PAX8: variants seen among roughly 807,000 people sequenced by gnomAD.
The protein encoded by PAX8 is paired box 8.
PAX8 carries 15 observed loss-of-function variants against 52.4 expected under a neutral mutation model. The observed-to-expected ratio is 0.29, with a 90% CI of 0.19 to 0.44. PAX8 has a LOEUF of 0.44. PAX8 is among the 20% of genes least tolerant of loss of function. The probability of loss-of-function intolerance (pLI) is 1.00; values close to 1 mark genes in which losing one functional copy is unlikely to be tolerated. For synonymous variants in PAX8, 284 were observed against 249.7 expected, an observed-to-expected ratio of 1.14 and a Z score of -1.29; for missense variants, 554 against 602.5, an observed-to-expected ratio of 0.92 and a Z score of 0.84.
intron 9 of PAX8, among the ~76,000 whole-genome samples, chr2:113,234,814 G>A (rs79576586): frequency 0.012 from 1,840 of 152,256 alleles, 18 homozygotes; most frequent in Middle Eastern, 0.017. Flanking sequence ...CACCTCGCCC[G>A]GTCGGTGCTT....
chr2:113,218,575 C>T lies in PAX8; in HGVS notation c.1311G>A (p.Pro437=), dbSNP rs769689038. Residue 437 remains proline, a synonymous_variant, in exon 12 of 12, where the codon CCG becomes CCA. Transcript: ENST00000429538. The part of the protein sequence containing the change: ...SPYYYSSTSR[P]SAPPTTATAF... ...CCGTGGCAGTGGTGGGCGGTGCACTCGGCCTTGATGTGGAACTGTAATAAT... is the reference window on the plus strand; with the variant it reads ...CCGTGGCAGTGGTGGGCGGTGCACTTGGCCTTGATGTGGAACTGTAATAAT... 14 of 1,559,826 alleles carry T rather than the reference C, an allele frequency of 9.0e-6. No homozygotes were observed. Among genetic ancestry groups the T allele is most frequent in the Middle Eastern group, 1.7e-4 (1 of 6,014 alleles).
At chr2:113,227,817 TG>T (rs1689675766) in intron 9 of PAX8, among the ~76,000 whole-genome samples, 2 of 152,244 alleles carry the variant, frequency 1.3e-5, no homozygotes, top group East Asian at 3.9e-4. Context: ...CATTTCCCCC[TG>T]AGTAGAGGGG....
chr2:113,275,537 C>T (rs1693740256), intron 2 of PAX8: 1 of 152,192 alleles, frequency 6.6e-6, no homozygotes, highest in Non-Finnish European at 1.5e-5. Flanking sequence ...TCGTCCTCTG[C>T]CTTGTCTTAT....
intron 9 of PAX8, among the ~76,000 whole-genome samples, chr2:113,234,127 T>C (rs1184704137): frequency 1.3e-5 from 2 of 152,274 alleles, no homozygotes; most frequent in Non-Finnish European, 2.9e-5. Flanking sequence ...GAGAGCTAGC[T>C]GGCTTCCTTC....
rs1337759312 is a variant in PAX8 at position 113,216,067 on chromosome 2, G to C, written c.*2466C>G. 1 of 224,626 alleles carries C rather than the reference G, an allele frequency of 4.5e-6. No individual in the cohort carries two copies. The highest frequency in any genetic ancestry group is 8.9e-6 in the Non-Finnish European group (1 of 112,734). 13.9% of individuals were successfully genotyped at this position (224,626 alleles called of 1,614,324 possible). ...TTGGAAAGGGTCTGCCGGGGGTACA[G>C]AGTGTCCCCAGAGGGGCTGTGGCTG... On this transcript the variant is annotated 3_prime_UTR_variant, in exon 12 of 12. Coordinates refer to ENST00000429538, the MANE Select transcript of PAX8 (RefSeq NM_003466.4).
intron 1 of PAX8, 52 bp from the exon 2 acceptor site, chr2:113,278,521 A>C (rs558475855): frequency 2.2e-6 from 3 of 1,394,930 alleles, no homozygotes; most frequent in African/African-American, 1.4e-5. Flanking sequence ...CGATGCCTGC[A>C]TCCTCAGGCC....
At chr2:113,225,801 G>A in intron 10 of PAX8, 1 of 450,562 alleles carries the variant, frequency 2.2e-6, no homozygotes, top group Non-Finnish European at 2.9e-6. Flanking sequence ...GCAGGGGAAG[G>A]TGGAGGGGTT....
intron 10 of PAX8, among the ~76,000 whole-genome samples, chr2:113,221,248 G>A (rs13428274): frequency 0.018 from 2,802 of 152,252 alleles, 107 homozygotes; most frequent in African/African-American, 0.064. Context: ...TCACTTATGC[G>A]ATAATTCCAT....
chr2:113,259,974 A>T (rs1692548533), intron 2 of PAX8, among the ~76,000 whole-genome samples: 1 of 152,224 alleles, frequency 6.6e-6, no homozygotes, highest in Admixed American at 6.5e-5. Context: ...TAGCGACTGT[A>T]CAAGTTACTG....
rs532372672 is a variant in PAX8 at position 113,217,076 on chromosome 2, C to T, written c.*1457G>A. ...ACCCACCCTGCTGATTCTCTGGCTT[C>T]CTGTTAATAACAACAGCAACTCCTT... On this transcript the variant is annotated 3_prime_UTR_variant, in exon 12 of 12. Coordinates refer to ENST00000429538, the MANE Select transcript of PAX8 (RefSeq NM_003466.4). 496 of 230,724 alleles carry T rather than the reference C, an allele frequency of 2.1e-3. 1 individual carries two copies. The highest frequency in any genetic ancestry group is 3.5e-3 in the Non-Finnish European group (408 of 116,420). 14.3% of individuals were successfully genotyped at this position (230,724 alleles called of 1,614,324 possible).
In PAX8 at chr2:113,235,519, G is replaced by T. The variant is rs750730160; in HGVS notation, c.962C>A (p.Pro321His). The change falls in exon 9 of 12, where the codon CCT becomes CAT. Residue 321 changes from proline to histidine, a missense_variant. By Grantham distance (77) the Pro-to-His change is moderately conservative (BLOSUM62 -2). This residue lies in a region of PAX8 where 445 missense variants were observed against 409.9 expected (regional missense o/e 1.09). Coordinates refer to ENST00000429538, the MANE Select transcript of PAX8 (RefSeq NM_003466.4). ...AAAGGCGGAGCTAGATAAAGAGGAA[G>T]GGGTGGAGCTAGAACTGGACACCTC... ...TPEVSSSSSTPSSLSSSAFLD... is the reference protein window; with the variant it reads ...TPEVSSSSSTHSSLSSSAFLD... The T allele has an allele frequency of 4.5e-5, 72 of 1,613,826 alleles. No individual in the cohort carries two copies. The highest frequency in any genetic ancestry group is 4.9e-5 in the Non-Finnish European group (58 of 1,179,852).
intron 10 of PAX8, chr2:113,226,648 TTCA>T: frequency 8.2e-6 from 9 of 1,095,770 alleles, no homozygotes; most frequent in South Asian, 8.0e-5. Context: ...AAGCATATAT[TTCA>T]TCATCATCAT....
chr2:113,245,563 A>G (rs1691246535), intron 3 of PAX8, among the ~76,000 whole-genome samples: 1 of 152,116 alleles, frequency 6.6e-6, no homozygotes, highest in African/African-American at 2.4e-5. Context: ...ATCCCCAGCC[A>G]GGTCCAACTT....
chr2:113,250,962 G>A lies in PAX8; in HGVS notation c.26-4043C>T, dbSNP rs147863186. Reference sequence around the variant, plus strand: ...GGAAGCTGCAAGGAAGAGTATCTAGGAGGTAACTAGGTGAAGAATTTTCTT... The same window carrying A: ...GGAAGCTGCAAGGAAGAGTATCTAGAAGGTAACTAGGTGAAGAATTTTCTT... On this transcript the variant is annotated intron_variant, in intron 2 of 11. Transcript: ENST00000429538. The A allele has an allele frequency of 2.0e-5, 3 of 152,180 alleles. No individual in the cohort carries two copies. The East Asian group carries it at 5.8e-4, about 29-fold the overall frequency. 9.4% of individuals were successfully genotyped at this position (152,180 alleles called of 1,614,324 possible).
rs1231566629 is a variant in PAX8 at position 113,255,979 on chromosome 2, C to T, written c.26-9060G>A. On this transcript the variant is annotated intron_variant, in intron 2 of 11. Coordinates refer to ENST00000429538, the MANE Select transcript of PAX8 (RefSeq NM_003466.4). Reference sequence around the variant, plus strand: ...AGGCAGTGCTGCATGCATATGCCTGCCAGGGCTCAATCAGTAAAAAAAAAA... The same window carrying T: ...AGGCAGTGCTGCATGCATATGCCTGTCAGGGCTCAATCAGTAAAAAAAAAA... 3.4e-5 allele frequency among the ~76,000 whole-genome samples: 5 copies of T among 148,128 alleles called. No individual in the cohort carries two copies. In the East Asian group the frequency reaches 9.7e-4, roughly 29 times the overall value.
intron 2 of PAX8, among the ~76,000 whole-genome samples, chr2:113,250,289 A>T (rs1360542622): frequency 6.7e-6 from 1 of 150,358 alleles, no homozygotes; most frequent in East Asian, 1.9e-4. Flanking sequence ...AAAAAAGAAG[A>T]TAGGGGGACC....
chr2:113,240,025 A>C (rs1690685176), intron 7 of PAX8: 1 of 152,226 alleles, frequency 6.6e-6, no homozygotes, highest in African/African-American at 2.4e-5. Flanking sequence ...TGGGGGGCTT[A>C]GGGATGGAGC....
chr2:113,275,354 C>T (rs933097563), intron 2 of PAX8: 3 of 152,208 alleles, frequency 2.0e-5, no homozygotes, highest in Admixed American at 1.3e-4. Flanking sequence ...ACCCCAATAC[C>T]TCTTTATGTT....
At chr2:113,223,408 C>A (rs1689371708) in intron 10 of PAX8, among the ~76,000 whole-genome samples, 1 of 152,188 alleles carries the variant, frequency 6.6e-6, no homozygotes, top group Non-Finnish European at 1.5e-5. Flanking sequence ...TCATCTCTTG[C>A]AAGAACTACT....
Sources: gnomAD v4.1 joint callset for allele counts (sites outside exome capture counted in the v4.1 genomes callset) on GRCh38, gnomAD v4.1.1 for gene constraint, gnomAD v4.1.1 regional missense constraint, MANE v1.5 for transcripts, NCBI Gene and HGNC (gene_info 2026-07-23, HGNC 2026-07-21) for gene names.